Variants in MAP2K5 observed in about 807,000 individuals in gnomAD.
MAP2K5 encodes mitogen-activated protein kinase kinase 5, also known as dual specificity mitogen-activated protein kinase kinase 5.
In MAP2K5, 49 loss-of-function variants were observed where a neutral mutation model predicts 83.1. The observed-to-expected ratio is 0.59, with a 90% confidence interval of 0.47 to 0.75. The LOEUF is 0.75. Ranked by LOEUF, MAP2K5 falls within the 30% of genes least tolerant of loss-of-function variation. The pLI is 0.00. For missense variants in MAP2K5, 457 were observed against 557.5 expected (o/e 0.82, Z 1.82); for synonymous variants, 202 against 191.8 (o/e 1.05, Z -0.44).
rs1720818713 is a variant in MAP2K5 at position 67,772,691 on chromosome 15, T to C, written c.1197-16T>C. On this transcript the variant is annotated splice_polypyrimidine_tract_variant and intron_variant, in intron 20 of 21. Coordinates refer to ENST00000178640, the MANE Select transcript of MAP2K5 (RefSeq NM_145160.3). ...TGACACAGATAACATAAGGGGTTTT[T>C]TTCTCTCCACTATAGTATGCGAAAA... 1.9e-6 allele frequency: 3 copies of C among 1,546,334 alleles called. No individual in the cohort carries two copies. The highest frequency in any genetic ancestry group is 2.6e-6 in the Non-Finnish European group (3 of 1,146,562).
rs146606163 is a variant in MAP2K5, at chr15:67,707,075, C to G, written c.1044+3667C>G. On this transcript the variant is annotated intron_variant, in intron 16 of 21. Transcript: ENST00000178640. ...GGACTACAAGCGCGTGCCACCATGC[C>G]CGGATAATTTTTTGTATTTTTAGTA... Among the ~76,000 whole-genome samples, 335 of 152,210 alleles carry G rather than the reference C, an allele frequency of 2.2e-3. 1 individual carries two copies. Among genetic ancestry groups the G allele is most frequent in the Middle Eastern group, 6.8e-3 (2 of 294 alleles).
chr15:67,586,511 C>G (rs967220425), intron 5 of MAP2K5, among the ~76,000 whole-genome samples: 3 of 152,134 alleles, frequency 2.0e-5, no homozygotes, highest in African/African-American at 7.2e-5. Flanking sequence ...ACTTGAGGTT[C>G]ACTACTAACC....
At chr15:67,634,778 T>A (rs1226067892) in intron 9 of MAP2K5, among the ~76,000 whole-genome samples, 3 of 152,184 alleles carry the variant, frequency 2.0e-5, no homozygotes, top group Non-Finnish European at 2.9e-5. Flanking sequence ...TTTTTTTTAC[T>A]TTTAACCTAT....
chr15:67,725,362 G>T (rs1015237009), intron 16 of MAP2K5, among the ~76,000 whole-genome samples: 1 of 152,158 alleles, frequency 6.6e-6, no homozygotes, highest in Non-Finnish European at 1.5e-5. Context: ...TGTTGAATCG[G>T]GAAGAATTCA....
At chr15:67,759,356 C>T (rs763871395) in intron 19 of MAP2K5, among the ~76,000 whole-genome samples, 22 of 151,796 alleles carry the variant, frequency 1.4e-4, no homozygotes, top group Non-Finnish European at 2.5e-4. Context: ...CTCAGGAGTT[C>T]GAGACCAGAC....
At chr15:67,627,669 C>T (rs543116763) in intron 8 of MAP2K5, among the ~76,000 whole-genome samples, 1 of 152,334 alleles carries the variant, frequency 6.6e-6, no homozygotes, top group South Asian at 2.1e-4. Context: ...CTTCAAAAAA[C>T]TCTTGTCAGT....
chr15:67,734,000 GCAAATGCTTT>G, intron 17 of MAP2K5, among the ~76,000 whole-genome samples: 1 of 152,308 alleles, frequency 6.6e-6, no homozygotes, highest in South Asian at 2.1e-4. Context: ...AATACGTTTT[GCAAATGCTTT>G]TTGATTACCA....
chr15:67,746,312 C>T lies in MAP2K5; in HGVS notation c.1075-1919C>T, dbSNP rs1156883869. Among the ~76,000 whole-genome samples the T allele has an allele frequency of 6.6e-6, 1 of 152,098 alleles. No individual in the cohort carries two copies. The highest frequency in any genetic ancestry group is 1.5e-5 in the Non-Finnish European group (1 of 68,016). On this transcript the variant is annotated intron_variant, in intron 17 of 21. Coordinates refer to ENST00000178640, the MANE Select transcript of MAP2K5 (RefSeq NM_145160.3). The surrounding 1 kb of genome is among the most constrained non-coding windows in gnomAD (Gnocchi z 4.1). ...TCTCCTCAGAGAATGTTGTCATCCC[C>T]CTGACTCTTGGAAATTTGTGAAACA...
intron 1 of MAP2K5, among the ~76,000 whole-genome samples, chr15:67,545,876 A>G (rs886474617): frequency 6.6e-6 from 1 of 152,146 alleles, no homozygotes; most frequent in Non-Finnish European, 1.5e-5. Flanking sequence ...TAGTGTTGTT[A>G]TTATTGATGG....
chr15:67,596,130 T>C (rs1032760968), intron 7 of MAP2K5, among the ~76,000 whole-genome samples: 1 of 152,192 alleles, frequency 6.6e-6, no homozygotes, highest in Non-Finnish European at 1.5e-5. Context: ...TCAAAAAGCC[T>C]CTAGAAAAAC....
In MAP2K5 at chr15:67,719,075, G is replaced by A. The variant is rs1018365991; in HGVS notation, c.1045-8841G>A. 6.6e-6 allele frequency among the ~76,000 whole-genome samples: 1 copy of A among 151,912 alleles called. No individual in the cohort carries two copies. Among genetic ancestry groups the A allele is most frequent in the African/African-American group, 2.4e-5 (1 of 41,316 alleles). ...TTGCCAACTACCCTTCCCAGCCTCT[G>A]GTAACCATCATTCTACTGTCTATCT... On this transcript the variant is annotated intron_variant, in intron 16 of 21. Coordinates refer to ENST00000178640, the MANE Select transcript of MAP2K5 (RefSeq NM_145160.3). This position sits in a 1 kb window ranked among gnomAD's most constrained non-coding sequence, Gnocchi z 4.6.
intron 21 of MAP2K5, among the ~76,000 whole-genome samples, chr15:67,792,785 C>G (rs2090541137): frequency 6.6e-6 from 1 of 152,200 alleles, no homozygotes; most frequent in African/African-American, 2.4e-5. Flanking sequence ...TAATCAAACT[C>G]TCTGCAAAGA....
chr15:67,712,898 C>G (rs2088729217), intron 16 of MAP2K5, among the ~76,000 whole-genome samples: 1 of 149,552 alleles, frequency 6.7e-6, no homozygotes, highest in Admixed American at 6.7e-5. Flanking sequence ...GCCTGGGCGA[C>G]AGAGCAGGCT....
At chr15:67,732,650 T>C (rs1258003550) in intron 17 of MAP2K5, among the ~76,000 whole-genome samples, 2 of 151,952 alleles carry the variant, frequency 1.3e-5, no homozygotes, top group Admixed American at 6.5e-5. Context: ...TCTTTCTTCA[T>C]CTTTAAATTT....
chr15:67,748,206 C>T lies in MAP2K5; in HGVS notation c.1075-25C>T. The T allele has an allele frequency of 6.4e-7, 1 of 1,571,224 alleles. No individual in the cohort carries two copies. The highest frequency in any genetic ancestry group is 8.8e-7 in the Non-Finnish European group (1 of 1,142,066). ...AGTGAGTCATTTTGATTATGACATG[C>T]TAATTACATATTGCCTTTTTTCAGA... is the stretch of plus-strand genomic sequence containing the variant. On this transcript the variant is annotated intron_variant, in intron 17 of 21. Transcript: ENST00000178640. The surrounding 1 kb of genome is among the most constrained non-coding windows in gnomAD (Gnocchi z 4.0).
In MAP2K5 at chr15:67,802,516, C is replaced by G. The variant is rs1229012678; in HGVS notation, c.1243-4130C>G. On this transcript the variant is annotated intron_variant, in intron 21 of 21. Coordinates refer to ENST00000178640, the MANE Select transcript of MAP2K5 (RefSeq NM_145160.3). This position sits in a 1 kb window ranked among gnomAD's most constrained non-coding sequence, Gnocchi z 5.0. Reference sequence around the variant, plus strand: ...TCTGTGGACTATAATAACTTCAACCCTCGTCAGTTTAATTGTTGCAATTGG... The same window carrying G: ...TCTGTGGACTATAATAACTTCAACCGTCGTCAGTTTAATTGTTGCAATTGG... 2.6e-5 allele frequency among the ~76,000 whole-genome samples: 4 copies of G among 152,178 alleles called. No homozygotes were observed. In the East Asian group the frequency reaches 7.7e-4, roughly 29 times the overall value.
At chr15:67,792,621 A>T (rs2090537797) in intron 21 of MAP2K5, among the ~76,000 whole-genome samples, 1 of 152,078 alleles carries the variant, frequency 6.6e-6, no homozygotes, top group Non-Finnish European at 1.5e-5. Flanking sequence ...AAAATATAAA[A>T]CTTCCCACTG....
At chr15:67,714,259 A>G (rs1052440446) in intron 16 of MAP2K5, among the ~76,000 whole-genome samples, 1 of 152,092 alleles carries the variant, frequency 6.6e-6, no homozygotes, top group African/African-American at 2.4e-5. Flanking sequence ...TAGCAACCAC[A>G]TAAAGTTACT....
At position 67,652,259 on chromosome 15, in the gene MAP2K5, AC is replaced by A. The variant is rs2086971092; in HGVS notation, c.736+5791del. On this transcript the variant is annotated intron_variant, in intron 11 of 21. Coordinates refer to ENST00000178640, the MANE Select transcript of MAP2K5 (RefSeq NM_145160.3). The surrounding 1 kb of genome is among the most constrained non-coding windows in gnomAD (Gnocchi z 4.2). ...TTTTAAATTATGATATAATACTCAT[AC>A]AAAAATTTTAACCTTATTAGCCATG... is the stretch of plus-strand genomic sequence containing the variant. 6.6e-6 allele frequency among the ~76,000 whole-genome samples: 1 copy of A among 152,218 alleles called. No individual in the cohort carries two copies. Among genetic ancestry groups the A allele is most frequent in the South Asian group, 2.1e-4 (1 of 4,836 alleles).
Sources: gnomAD v4.1 joint callset for allele counts (sites outside exome capture counted in the v4.1 genomes callset) on GRCh38, gnomAD v4.1.1 for gene constraint, Gnocchi (gnomAD v3.1) non-coding constraint, MANE v1.5 for transcripts, NCBI Gene and HGNC (gene_info 2026-07-23, HGNC 2026-07-21) for gene names.